Variants in RGS10 observed in about 807,000 individuals in gnomAD.
RGS10 encodes the protein regulator of G protein signaling 10, also known as regulator of G-protein signalling 10.
A neutral mutation model predicts 23.5 loss-of-function variants in RGS10; 11 were observed. The observed-to-expected ratio is 0.47, with a 90% CI of 0.29 to 0.77. The LOEUF (loss-of-function observed/expected upper bound fraction) is 0.77. Among genes scored for constraint, RGS10 ranks in the 30% least tolerant of loss-of-function variants. The pLI, the probability that RGS10 is intolerant of heterozygous loss-of-function variation, is 0.08. For synonymous variants in RGS10, 77 were observed against 83.2 expected, an observed-to-expected ratio of 0.92 and a Z score of 0.41; for missense variants, 180 against 226.3, an observed-to-expected ratio of 0.80 and a Z score of 1.31.
intron 4 of RGS10, among the ~76,000 whole-genome samples, chr10:119,512,452 G>A (rs191062186): frequency 8.9e-4 from 136 of 152,288 alleles, no homozygotes; most frequent in African/African-American, 3.1e-3. Flanking sequence ...TTCACATGGA[G>A]ACTCACTGTG....
chr10:119,508,760 T>C (rs372115506), intron 4 of RGS10, among the ~76,000 whole-genome samples: 1 of 152,206 alleles, frequency 6.6e-6, no homozygotes, highest in Non-Finnish European at 1.5e-5. Flanking sequence ...AATTTTCTTT[T>C]CTTTATCTTA....
In RGS10 at chr10:119,538,270, G is replaced by A. The variant is rs552220567; in HGVS notation, c.49+4320C>T. On this transcript the variant is annotated intron_variant, in intron 1 of 4. Coordinates refer to ENST00000369103, the MANE Select transcript of RGS10 (RefSeq NM_001005339.2). This position sits in a 1 kb window ranked among gnomAD's most constrained non-coding sequence, Gnocchi z 4.5. ...AAATGGTTGTTGTGTTTAGGTGGCCGTGGACTTGGGTCCAAGACTTGAGTT... is the reference window on the plus strand; with the variant it reads ...AAATGGTTGTTGTGTTTAGGTGGCCATGGACTTGGGTCCAAGACTTGAGTT... Among the ~76,000 whole-genome samples the A allele has an allele frequency of 7.2e-5, 11 of 152,332 alleles. No homozygotes were observed. In the South Asian group the frequency reaches 1.2e-3, roughly 17 times the overall value.
At chr10:119,532,602 G>C (rs541143555) in intron 1 of RGS10, among the ~76,000 whole-genome samples, 2 of 152,254 alleles carry the variant, frequency 1.3e-5, no homozygotes, top group East Asian at 3.9e-4. Context: ...AGCACTTTGG[G>C]AGGACGAGAT....
At chr10:119,505,815 C>T (rs1435519517) in intron 4 of RGS10, among the ~76,000 whole-genome samples, 4 of 152,190 alleles carry the variant, frequency 2.6e-5, no homozygotes, top group African/African-American at 9.7e-5. Context: ...TAACACTTCT[C>T]AGAAGACAAG....
chr10:119,542,658 G>A lies in RGS10; in HGVS notation c.-20C>T, dbSNP rs1844446752. 1 of 1,376,700 alleles carries A rather than the reference G, an allele frequency of 7.3e-7. No homozygotes were observed. Among genetic ancestry groups the A allele is most frequent in the Non-Finnish European group, 9.4e-7 (1 of 1,064,596 alleles). 85.3% of individuals were successfully genotyped at this position (1,376,700 alleles called of 1,614,324 possible). On this transcript the variant is annotated 5_prime_UTR_variant, in exon 1 of 5. Transcript: ENST00000369103. ...GAACATCGCCGCGGGCGCCCGAGGA[G>A]GAAGAAGGAGCAGCCCGGCGGCGCG... is the stretch of plus-strand genomic sequence containing the variant.
chr10:119,499,961 TTA>T lies in RGS10; in HGVS notation c.*150_*151del, dbSNP rs1434329065. ...TGTTAGCTTAGCCATCATGCAAAAT[TTA>T]CTGGTGAAGCAGTTAATAAAACACA... On this transcript the variant is annotated 3_prime_UTR_variant, in exon 5 of 5. Coordinates refer to ENST00000369103, the MANE Select transcript of RGS10 (RefSeq NM_001005339.2). The T allele has an allele frequency of 6.1e-6, 4 of 656,374 alleles. No homozygotes were observed. Among genetic ancestry groups the T allele is most frequent in the Non-Finnish European group, 9.8e-6 (4 of 408,908 alleles). The allele number at this position is 656,374 out of a possible 1,614,324, so 40.7% of individuals were successfully genotyped here.
rs528402735 is a variant in RGS10, at chr10:119,539,873, G to T, written c.49+2717C>A. Reference sequence around the variant, plus strand: ...GGACCACAGCCAGGTCCAAATCAGGGGTCCTGCAGGAGCAGCTCTGGCTTT... The same window carrying T: ...GGACCACAGCCAGGTCCAAATCAGGTGTCCTGCAGGAGCAGCTCTGGCTTT... On this transcript the variant is annotated intron_variant, in intron 1 of 4. Coordinates refer to ENST00000369103, the MANE Select transcript of RGS10 (RefSeq NM_001005339.2). Among the ~76,000 whole-genome samples the T allele has an allele frequency of 6.2e-4, 95 of 152,094 alleles. No homozygotes were observed. In the South Asian group the frequency reaches 0.018, roughly 29 times the overall value.
intron 1 of RGS10, among the ~76,000 whole-genome samples, chr10:119,528,054 A>G (rs117464124): frequency 2.6e-5 from 4 of 152,212 alleles, no homozygotes; most frequent in Non-Finnish European, 5.9e-5. Flanking sequence ...TTTGTTTTTG[A>G]CAGAGTCACT....
chr10:119,528,231 A>G (rs1844297783), intron 1 of RGS10, among the ~76,000 whole-genome samples: 1 of 152,000 alleles, frequency 6.6e-6, no homozygotes, highest in Non-Finnish European at 1.5e-5. Flanking sequence ...GGGTTTTACC[A>G]TGTTGGCCAG....
intron 3 of RGS10, among the ~76,000 whole-genome samples, chr10:119,521,426 T>A (rs958774166): frequency 6.6e-6 from 1 of 151,282 alleles, no homozygotes; most frequent in South Asian, 2.1e-4. Flanking sequence ...CAAAATTAGC[T>A]GGGTGTGTTG....
chr10:119,534,292 TAAATAAATAAATAAA>T (rs1202080597), intron 1 of RGS10, among the ~76,000 whole-genome samples: 8 of 97,078 alleles, frequency 8.2e-5, no homozygotes, highest in Non-Finnish European at 1.5e-4. Context: ...AATAAATAAA[TAAATAAATAAATAAA>T]AAAGGCCAGG....
Position 119,542,577 on chromosome 10 carries a change from C to A in RGS10, c.49+13G>T. ...CCCCGACCCCGAGCCCGCGGGCCCC[C>A]GAAGCCGCTTACCTGACGGCGGCCG... On this transcript the variant is annotated intron_variant, in intron 1 of 4. Coordinates refer to ENST00000369103, the MANE Select transcript of RGS10 (RefSeq NM_001005339.2). 1 of 1,414,672 alleles carries A rather than the reference C, an allele frequency of 7.1e-7. No homozygotes were observed. The highest frequency in any genetic ancestry group is 9.2e-7 in the Non-Finnish European group (1 of 1,083,264). 87.6% of individuals were successfully genotyped at this position (1,414,672 alleles called of 1,614,324 possible).
At position 119,538,910 on chromosome 10, in the gene RGS10, C is replaced by T. The variant is rs183217391; in HGVS notation, c.49+3680G>A. On this transcript the variant is annotated intron_variant, in intron 1 of 4. Transcript: ENST00000369103. The surrounding 1 kb of genome is among the most constrained non-coding windows in gnomAD (Gnocchi z 4.5). The stretch of plus-strand genomic sequence containing the variant: ...CCAGAGCCCAGCATCTGGGGACTCA[C>T]TCCACCCAGGGAGGGAAGTGACTCA... Among the ~76,000 whole-genome samples the T allele has an allele frequency of 1.8e-3, 268 of 152,292 alleles. No individual in the cohort carries two copies. In the Middle Eastern group the frequency reaches 0.027, roughly 15 times the overall value.
In RGS10 at chr10:119,527,538, T is replaced by G. The variant is rs540739303; in HGVS notation, c.50-114A>C. ...ATCACGGCTGACATACACCGACTTA[T>G]GCGTCAGGCTCTGTTCTAGGTGCTT... On this transcript the variant is annotated intron_variant, in intron 1 of 4. Transcript: ENST00000369103. This position sits in a 1 kb window ranked among gnomAD's most constrained non-coding sequence, Gnocchi z 4.2. 348 of 778,078 alleles carry G rather than the reference T, an allele frequency of 4.5e-4. 1 individual carries two copies. In the African/African-American group the frequency reaches 5.1e-3, roughly 11 times the overall value. 48.2% of individuals were successfully genotyped at this position (778,078 alleles called of 1,614,324 possible).
At chr10:119,531,396 A>G (rs1844328249) in intron 1 of RGS10, among the ~76,000 whole-genome samples, 1 of 152,212 alleles carries the variant, frequency 6.6e-6, no homozygotes, top group Admixed American at 6.5e-5. Flanking sequence ...AAACCAGACC[A>G]TGTTTGGGTT....
intron 4 of RGS10, among the ~76,000 whole-genome samples, chr10:119,507,862 T>C (rs1844033274): frequency 6.6e-6 from 1 of 151,486 alleles, no homozygotes; most frequent in African/African-American, 2.4e-5. Flanking sequence ...TGGTTTTCCA[T>C]TTTTTTTGTA....
chr10:119,512,140 G>C (rs77295494), intron 4 of RGS10, among the ~76,000 whole-genome samples: 4,318 of 134,988 alleles, frequency 0.032, 156 homozygotes, highest in East Asian at 0.15. Context: ...GTGGTGATGA[G>C]GGGCTAAGTT....
chr10:119,520,809 C>CAAAAAAAAAAAAAAAA (rs58487462), intron 3 of RGS10, among the ~76,000 whole-genome samples: 1 of 126,092 alleles, frequency 7.9e-6, no homozygotes, highest in African/African-American at 3.1e-5. Context: ...TCTCCAAAAG[C>CAAAAAAAAAAAAAAAA]AAAAAAAAAA....
intron 3 of RGS10, among the ~76,000 whole-genome samples, chr10:119,519,173 G>A (rs1844181093): frequency 6.6e-6 from 1 of 152,164 alleles, no homozygotes; most frequent in Non-Finnish European, 1.5e-5. Context: ...CCTCTGGAGT[G>A]AGCTGGCCCC....
Sources: gnomAD v4.1 joint callset for allele counts (sites outside exome capture counted in the v4.1 genomes callset) on GRCh38, gnomAD v4.1.1 for gene constraint, Gnocchi (gnomAD v3.1) non-coding constraint, MANE v1.5 for transcripts, NCBI Gene and HGNC (gene_info 2026-07-23, HGNC 2026-07-21) for gene names.